The following ALMS1 variants were observed in gnomAD, a reference collection of about 807,000 sequenced individuals.
ALMS1 encodes centrosome-associated protein ALMS1.
Under a neutral mutation model 352.2 loss-of-function variants are expected in ALMS1, and 271 were observed. The observed-to-expected ratio is 0.77, with a 90% confidence interval of 0.70 to 0.85. The LOEUF is 0.85. ALMS1 is among the 40% of genes least tolerant of loss of function. ALMS1 has a pLI of 0.00. For synonymous variants in ALMS1, 1,865 were observed against 1,761.2 expected (o/e 1.06, Z -1.48); for missense variants, 5,445 against 4,870.7 (o/e 1.12, Z -3.51).
intron 21 of ALMS1, among the ~76,000 whole-genome samples, chr2:73,604,663 A>T (rs1470349012): frequency 6.6e-6 from 1 of 152,150 alleles, no homozygotes; most frequent in Non-Finnish European, 1.5e-5. Flanking sequence ...GATGCTTTGG[A>T]TGCTTTAGTC....
chr2:73,446,601 T>C (rs140841842), intron 7 of ALMS1, among the ~76,000 whole-genome samples: 8 of 152,310 alleles, frequency 5.3e-5, no homozygotes, highest in Non-Finnish European at 1.2e-4. Flanking sequence ...TTTCATTCTA[T>C]ATTCAGCTCC....
chr2:73,543,861 A>G (rs1288705482), intron 12 of ALMS1, among the ~76,000 whole-genome samples: 2 of 152,198 alleles, frequency 1.3e-5, no homozygotes, highest in South Asian at 2.1e-4. Flanking sequence ...AAAGTCAGGA[A>G]ACAATAGGTG....
chr2:73,388,955 T>C (rs1190907674), intron 1 of ALMS1, among the ~76,000 whole-genome samples: 1 of 152,188 alleles, frequency 6.6e-6, no homozygotes, highest in Non-Finnish European at 1.5e-5. Context: ...TTTGGAGAGA[T>C]ACCCAGTAGT....
chr2:73,540,683 A>G (rs567690195), intron 12 of ALMS1, among the ~76,000 whole-genome samples: 3 of 152,308 alleles, frequency 2.0e-5, no homozygotes, highest in East Asian at 1.9e-4. Flanking sequence ...AGGAAGATCT[A>G]CCAAGCAAAT....
intron 11 of ALMS1, among the ~76,000 whole-genome samples, chr2:73,521,580 CAAAAAAA>C (rs565126393): frequency 2.1e-5 from 2 of 94,902 alleles, no homozygotes; most frequent in Non-Finnish European, 4.6e-5. Flanking sequence ...ACTAAAAATA[CAAAAAAA>C]AAAAAAAAAA....
At chr2:73,423,013 T>A (rs1277007177) in intron 4 of ALMS1, 39 bp downstream of exon 4, 3 of 1,529,442 alleles carry the variant, frequency 2.0e-6, no homozygotes, top group Non-Finnish European at 2.7e-6. Context: ...TCTCACTTCT[T>A]GTTCTATGTT....
chr2:73,485,302 C>T (rs999005337), intron 9 of ALMS1, among the ~76,000 whole-genome samples: 1 of 152,136 alleles, frequency 6.6e-6, no homozygotes, highest in Non-Finnish European at 1.5e-5. Context: ...CAGACAGGAC[C>T]CTCCGCTGCA....
At chr2:73,563,803 A>C (rs1674719695) in intron 15 of ALMS1, among the ~76,000 whole-genome samples, 1 of 151,792 alleles carries the variant, frequency 6.6e-6, no homozygotes, top group Non-Finnish European at 1.5e-5. Context: ...ATTGTGAGGC[A>C]AAAGGTGCTT....
intron 10 of ALMS1, among the ~76,000 whole-genome samples, chr2:73,496,287 T>G (rs1673105563): frequency 6.6e-6 from 1 of 152,216 alleles, no homozygotes; most frequent in Non-Finnish European, 1.5e-5. Flanking sequence ...CTGGTCTGTA[T>G]TCTTCCTTAG....
chr2:73,551,314 G>GA (rs1674426946), intron 13 of ALMS1, among the ~76,000 whole-genome samples: 1 of 151,928 alleles, frequency 6.6e-6, no homozygotes, highest in Non-Finnish European at 1.5e-5. Flanking sequence ...CCCCCTGCAG[G>GA]CAGGACATCC....
intron 12 of ALMS1, among the ~76,000 whole-genome samples, chr2:73,539,371 C>T (rs1041087177): frequency 3.9e-5 from 6 of 152,196 alleles, no homozygotes; most frequent in African/African-American, 1.4e-4. Context: ...AAAACCCCAT[C>T]TGTACGTCAC....
intron 12 of ALMS1, among the ~76,000 whole-genome samples, chr2:73,544,842 C>T (rs115334840): frequency 9.1e-4 from 138 of 152,236 alleles, no homozygotes; most frequent in African/African-American, 3.2e-3. Context: ...CAAAATGTGA[C>T]ATATATGTGT....
At chr2:73,476,918 A>C (rs1672595461) in intron 9 of ALMS1, among the ~76,000 whole-genome samples, 1 of 152,132 alleles carries the variant, frequency 6.6e-6, no homozygotes, top group African/African-American at 2.4e-5. Context: ...AAACTGATAT[A>C]AGTTAATTGA....
chr2:73,508,494 C>T (rs550304502), intron 10 of ALMS1, among the ~76,000 whole-genome samples: 24 of 152,114 alleles, frequency 1.6e-4, no homozygotes, highest in East Asian at 3.9e-4. Flanking sequence ...TGTGAGCCAC[C>T]GCACCCGGCT....
At chr2:73,480,652 T>C (rs1414195559) in intron 9 of ALMS1, among the ~76,000 whole-genome samples, 21 of 148,986 alleles carry the variant, frequency 1.4e-4, no homozygotes, top group Middle Eastern at 3.4e-3. Context: ...AATCGCCACA[T>C]TGACTTCCAC....
intron 11 of ALMS1, among the ~76,000 whole-genome samples, chr2:73,522,669 A>G (rs1224151635): frequency 6.6e-6 from 1 of 152,024 alleles, no homozygotes; most frequent in Non-Finnish European, 1.5e-5. Context: ...GAGTTTCACC[A>G]TGTTGGCCAG....
Position 73,448,796 on chromosome 2 carries a change from C to T in ALMS1, c.2269C>T (p.Pro757Ser), listed in dbSNP as rs200827630. 123 of 1,613,978 alleles carry T rather than the reference C, an allele frequency of 7.6e-5. No homozygotes were observed. The highest frequency in any genetic ancestry group is 9.7e-5 in the Non-Finnish European group (115 of 1,179,978). ...PGPADQKTEI[P>S]AVQSSSYSQR... Reference sequence around the variant, plus strand: ...ACCAGCTGACCAGAAGACTGAGATACCAGCAGTACAGTCTAGTTCTTACTC... The same window carrying T: ...ACCAGCTGACCAGAAGACTGAGATATCAGCAGTACAGTCTAGTTCTTACTC... The change falls in exon 8 of 23, where the codon CCA becomes TCA. Residue 757 changes from proline (P) to serine (S), a missense_variant. Transcript: ENST00000613296.
At chr2:73,596,518 C>T (rs1046816758) in intron 16 of ALMS1, among the ~76,000 whole-genome samples, 18 of 147,934 alleles carry the variant, frequency 1.2e-4, no homozygotes, top group African/African-American at 3.5e-4. Context: ...GTCATCAAGG[C>T]GGGAGTGCAG....
chr2:73,554,691 G>T (rs1278408899), intron 13 of ALMS1, among the ~76,000 whole-genome samples: 2 of 152,096 alleles, frequency 1.3e-5, no homozygotes, highest in Non-Finnish European at 2.9e-5. Flanking sequence ...CCAGCCTGTC[G>T]TATTTAAAAT....
Sources: gnomAD v4.1 joint callset for allele counts (sites outside exome capture counted in the v4.1 genomes callset) on GRCh38, gnomAD v4.1.1 for gene constraint, MANE v1.5 for transcripts, NCBI Gene and HGNC (gene_info 2026-07-23, HGNC 2026-07-21) for gene names.